The following RELN variants were observed in gnomAD, a reference collection of about 807,000 sequenced individuals.
The protein encoded by RELN is reelin.
In RELN, 108 loss-of-function variants were observed where a neutral mutation model predicts 427.6. That is an observed-to-expected ratio of 0.25 (90% CI 0.22 to 0.30). The LOEUF (loss-of-function observed/expected upper bound fraction) is 0.30, where lower values mean the gene tolerates loss of function less well. RELN is among the 10% of genes least tolerant of loss of function. The probability of loss-of-function intolerance (pLI) is 1.00; values close to 1 mark genes in which losing one functional copy is unlikely to be tolerated. For synonymous variants in RELN, 1,524 were observed against 1,513.4 expected (o/e 1.01, Z -0.16); for missense variants, 3,715 against 4,302.8 (o/e 0.86, Z 3.82).
At chr7:103,602,668 C>T (rs1831701340) in intron 24 of RELN, among the ~76,000 whole-genome samples, 1 of 152,078 alleles carries the variant, frequency 6.6e-6, no homozygotes, top group African/African-American at 2.4e-5. Context: ...ACATCACACA[C>T]TGGGGCCTGT....
At position 103,498,256 on chromosome 7, in the gene RELN, G is replaced by A; in HGVS notation, c.8668-4C>T. The A allele has an allele frequency of 6.2e-7, 1 of 1,613,028 alleles. No homozygotes were observed. The highest frequency in any genetic ancestry group is 1.3e-5 in the African/African-American group (1 of 74,924). Reference sequence around the variant, plus strand: ...CAAAGCGTTCCTTCAGGAAAGTCTGGAAATAAAATAAGCCAGATGTGGTTA... The same window carrying A: ...CAAAGCGTTCCTTCAGGAAAGTCTGAAAATAAAATAAGCCAGATGTGGTTA... On this transcript the variant is annotated splice_polypyrimidine_tract_variant and splice_region_variant and intron_variant, in intron 53 of 64. Transcript: ENST00000428762.
At chr7:103,490,987 A>T (rs1416605633) in intron 58 of RELN, among the ~76,000 whole-genome samples, 158 bp from the exon 59 acceptor site, 1 of 152,238 alleles carries the variant, frequency 6.6e-6, no homozygotes, top group African/African-American at 2.4e-5. Context: ...AAAAAAATTA[A>T]AATATTTTCT....
At chr7:103,687,816 T>C (rs1367664531) in intron 10 of RELN, among the ~76,000 whole-genome samples, 4 of 152,160 alleles carry the variant, frequency 2.6e-5, no homozygotes, top group Non-Finnish European at 4.4e-5. Flanking sequence ...TGCATATTTG[T>C]TTAAATGATT....
At chr7:103,787,996 G>A (rs1237450692) in intron 3 of RELN, among the ~76,000 whole-genome samples, 3 of 152,074 alleles carry the variant, frequency 2.0e-5, no homozygotes, top group African/African-American at 7.2e-5. Context: ...ATGATCAAGT[G>A]GGCTTCATCC....
intron 63 of RELN, among the ~76,000 whole-genome samples, chr7:103,481,727 G>T (rs963841869): frequency 6.6e-6 from 1 of 152,160 alleles, no homozygotes; most frequent in African/African-American, 2.4e-5. Flanking sequence ...TCTCTCTATG[G>T]CCTTACTGTA....
At chr7:103,675,674 T>C (rs866068594) in intron 11 of RELN, among the ~76,000 whole-genome samples, 35 of 152,316 alleles carry the variant, frequency 2.3e-4, no homozygotes, top group African/African-American at 7.5e-4. Flanking sequence ...AGCATGGTAC[T>C]GGTACCAAAA....
intron 28 of RELN, among the ~76,000 whole-genome samples, chr7:103,588,887 T>C (rs1831341845): frequency 6.6e-6 from 1 of 152,246 alleles, no homozygotes; most frequent in Non-Finnish European, 1.5e-5. Context: ...TGCTATCTAT[T>C]TGATGTGCTA....
chr7:103,566,771 G>A lies in RELN; in HGVS notation c.4589-12C>T, dbSNP rs1279668797. The A allele has an allele frequency of 1.9e-6, 3 of 1,613,278 alleles. No homozygotes were observed. Among genetic ancestry groups the A allele is most frequent in the Non-Finnish European group, 2.5e-6 (3 of 1,179,398 alleles). ...CTGAACAATAAGCCCTGAGTTAAAA[G>A]ACATAAATCCAGTTATTTGGACACT... is the stretch of plus-strand genomic sequence containing the variant. On this transcript the variant is annotated splice_polypyrimidine_tract_variant and intron_variant, in intron 31 of 64. Coordinates refer to ENST00000428762, the MANE Select transcript of RELN (RefSeq NM_005045.4).
At chr7:103,770,210 G>A (rs1791530571) in intron 4 of RELN, among the ~76,000 whole-genome samples, 1 of 152,074 alleles carries the variant, frequency 6.6e-6, no homozygotes, top group Admixed American at 6.6e-5. Context: ...TCAGCGTCCT[G>A]AATAGCTGGG....
intron 53 of RELN, 46 bp from the exon 54 acceptor site, chr7:103,498,298 T>TAACTA: frequency 6.5e-7 from 1 of 1,531,806 alleles, no homozygotes; most frequent in Non-Finnish European, 9.0e-7. Flanking sequence ...CAATTTCAGA[T>TAACTA]AACTATGGAA....
intron 1 of RELN, among the ~76,000 whole-genome samples, chr7:103,926,536 T>C (rs1795740593): frequency 6.6e-6 from 1 of 152,192 alleles, no homozygotes; most frequent in Admixed American, 6.5e-5. Flanking sequence ...ATACATCTGT[T>C]GTTTGTAAAA....
intron 12 of RELN, among the ~76,000 whole-genome samples, chr7:103,657,882 C>T (rs12333348): frequency 0.011 from 1,732 of 152,068 alleles, 48 homozygotes; most frequent in African/African-American, 0.04. Flanking sequence ...TAAAAACAAA[C>T]GGGGCAGTCA....
chr7:103,627,394 A>G (rs1297195352), intron 20 of RELN, among the ~76,000 whole-genome samples: 3 of 152,124 alleles, frequency 2.0e-5, no homozygotes, highest in African/African-American at 7.2e-5. Context: ...AAACATCCCC[A>G]AGGTGAATTC....
At chr7:103,917,662 A>AG (rs1795516348) in intron 1 of RELN, among the ~76,000 whole-genome samples, 1 of 151,954 alleles carries the variant, frequency 6.6e-6, no homozygotes, top group Admixed American at 6.6e-5. Flanking sequence ...TTCAAAGATG[A>AG]GTTCCCTGAA....
intron 6 of RELN, among the ~76,000 whole-genome samples, chr7:103,739,148 T>G (rs1790574004): frequency 6.6e-6 from 1 of 152,208 alleles, no homozygotes; most frequent in Non-Finnish European, 1.5e-5. Context: ...GATTCTAGTT[T>G]TTGGCTGTTA....
At chr7:103,544,570 A>G (rs1485694922) in intron 42 of RELN, among the ~76,000 whole-genome samples, 1 of 152,186 alleles carries the variant, frequency 6.6e-6, no homozygotes, top group Non-Finnish European at 1.5e-5. Flanking sequence ...GATGGCTATT[A>G]TACTTAAGAC....
rs1793492405 is a variant in RELN at position 103,839,302 on chromosome 7, G to GTTTTTTTTT, written c.338-5631_338-5630insAAAAAAAAA. Among the ~76,000 whole-genome samples the GTTTTTTTTT allele has an allele frequency of 2.7e-3, 200 of 75,024 alleles. 1 individual carries two copies. Among genetic ancestry groups the GTTTTTTTTT allele is most frequent in the African/African-American group, 9.5e-3 (193 of 20,272 alleles). 49.2% of individuals were successfully genotyped at this position (75,024 alleles called of 152,430 possible). A position where few individuals can be genotyped will look rare whatever the true frequency, so the allele number is the denominator to read the frequency against. On this transcript the variant is annotated intron_variant, in intron 2 of 64. Coordinates refer to ENST00000428762, the MANE Select transcript of RELN (RefSeq NM_005045.4). ...ACACTATGACTATACAGTGGTCTTT[G>GTTTTTTTTT]CTTTTTTTTTTTTTTTTTTTAACAT...
chr7:103,584,514 A>G (rs1210025988), intron 28 of RELN, among the ~76,000 whole-genome samples: 1 of 152,220 alleles, frequency 6.6e-6, no homozygotes, highest in Non-Finnish European at 1.5e-5. Flanking sequence ...AGAAGAGACA[A>G]CCATCCTAAA....
intron 1 of RELN, among the ~76,000 whole-genome samples, chr7:103,964,338 G>A (rs1401568016): frequency 6.6e-6 from 1 of 152,034 alleles, no homozygotes; most frequent in East Asian, 1.9e-4. Context: ...TCCTAATAGT[G>A]ATCTGAAAAT....
Sources: allele counts gnomAD v4.1 joint callset (sites outside exome capture counted in the v4.1 genomes callset), GRCh38; gene constraint gnomAD v4.1.1; transcripts MANE v1.5; gene names NCBI Gene and HGNC (gene_info 2026-07-23, HGNC 2026-07-21).